The following MED25 variants were observed in gnomAD, a reference collection of about 807,000 sequenced individuals.
MED25 encodes the protein mediator complex subunit 25, also known as mediator of RNA polymerase II transcription subunit 25.
A neutral mutation model predicts 89.4 loss-of-function variants in MED25; 62 were observed. That is an observed-to-expected ratio of 0.69 (90% confidence interval 0.57 to 0.86). The LOEUF (loss-of-function observed/expected upper bound fraction) is 0.86, where lower values mean the gene tolerates loss of function less well. Among genes scored for constraint, MED25 ranks in the 40% least tolerant of loss-of-function variants. The pLI is 0.00. For missense variants in MED25, 905 were observed against 1,005.2 expected (o/e 0.90, Z 1.35); for synonymous variants, 449 against 427.9 (o/e 1.05, Z -0.61).
At position 49,835,076 on chromosome 19, in the gene MED25, C is replaced by A; in HGVS notation, c.1573C>A (p.Leu525Ile). ...GTCCAAGAAGAAGATCTTCATGGGC[C>A]TCATCCCCTACGACCAGAGCGGCTT... is the stretch of plus-strand genomic sequence containing the variant. ...YSSKKKIFMG[L>I]IPYDQSGFVN... The change falls in exon 14 of 18, where the codon CTC (leucine) becomes ATC (isoleucine). Residue 525 changes from leucine (L) to isoleucine (I), a missense_variant. Coordinates refer to ENST00000312865, the MANE Select transcript of MED25 (RefSeq NM_030973.4). The surrounding 1 kb of genome is among the most constrained non-coding windows in gnomAD (Gnocchi z 6.2). 1 of 1,614,108 alleles carries A rather than the reference C, an allele frequency of 6.2e-7. No individual in the cohort carries two copies.
Position 49,819,247 on chromosome 19 carries a change from G to A in MED25, c.256G>A (p.Ala86Thr), listed in dbSNP as rs2073964337. The stretch of plus-strand genomic sequence containing the variant: ...TCCCGAGTCCTACGTACAATGTCAC[G>A]CTCCCACCAGCAGCGCCTATGAGTT... ...CAPESYVQCH[A>T]PTSSAYEFVT... Residue 86 changes from alanine (A) to threonine (T), a missense_variant, in exon 3 of 18, where the codon GCT (alanine) becomes ACT (threonine). This residue lies in a region of MED25 where 501 missense variants were observed against 526.9 expected (regional missense o/e 0.95). Coordinates refer to ENST00000312865, the MANE Select transcript of MED25 (RefSeq NM_030973.4). 1.2e-6 allele frequency: 2 copies of A among 1,614,170 alleles called. No individual in the cohort carries two copies. The highest frequency in any genetic ancestry group is 1.1e-5 in the South Asian group (1 of 91,090).
chr19:49,819,512 G>A (rs983237877), intron 3 of MED25: 2 of 575,328 alleles, frequency 3.5e-6, no homozygotes, highest in African/African-American at 3.7e-5. Context: ...GGTTTGAGCT[G>A]CAGGAAACAT....
At position 49,835,943 on chromosome 19, in the gene MED25, C is replaced by G. The variant is rs2074094642; in HGVS notation, c.1963C>G (p.Pro655Ala). The G allele has an allele frequency of 6.2e-7, 1 of 1,612,894 alleles. No homozygotes were observed. Among genetic ancestry groups the G allele is most frequent in the Non-Finnish European group, 8.5e-7 (1 of 1,179,968 alleles). Residue 655 changes from proline (P) to alanine (A), a missense_variant and splice_region_variant, in exon 16 of 18, where the codon CCG becomes GCG. Physicochemically the swap from Pro to Ala is conservative, Grantham distance 27. Around this residue, in one of 3 missense-constraint regions of MED25, gnomAD observed 271 missense variants for 258.1 expected, o/e 1.05. Transcript: ENST00000312865. This position sits in a 1 kb window ranked among gnomAD's most constrained non-coding sequence, Gnocchi z 6.2. ...QLRSLLLNPP[P>A]PQTGVPPPQA... ...GCGAAGCCTCCTCCTCAACCCACCA[C>G]CGGTGAGATGTTGGGGTGGGGTAGC...
In MED25 at chr19:49,836,081, C is replaced by T. The variant is rs1466630974; in HGVS notation, c.1965+136C>T. 2.6e-6 allele frequency: 4 copies of T among 1,523,814 alleles called. No homozygotes were observed. Among genetic ancestry groups the T allele is most frequent in the Admixed American group, 1.9e-5 (1 of 51,322 alleles). 94.4% of individuals were successfully genotyped at this position (1,523,814 alleles called of 1,614,324 possible). A position where few individuals can be genotyped will look rare whatever the true frequency, so the allele number is the denominator to read the frequency against. ...CCCGCCCAGGGCTTTAGGCAGAAGGCAGACCGCCTCCTCTCCGTCCATCCC... is the reference window on the plus strand; with the variant it reads ...CCCGCCCAGGGCTTTAGGCAGAAGGTAGACCGCCTCCTCTCCGTCCATCCC... On this transcript the variant is annotated intron_variant, in intron 16 of 17. Transcript: ENST00000312865. This position sits in a 1 kb window ranked among gnomAD's most constrained non-coding sequence, Gnocchi z 5.1.
rs772775901 is a variant in MED25, at chr19:49,836,245, C to A, written c.1985C>A (p.Pro662Gln). 3 of 1,612,304 alleles carry A rather than the reference C, an allele frequency of 1.9e-6. No homozygotes were observed. The highest frequency in any genetic ancestry group is 2.5e-6 in the Non-Finnish European group (3 of 1,179,858). The change falls in exon 17 of 18, where the codon CCA (proline) becomes CAA (glutamine). Residue 662 changes from proline (P) to glutamine (Q), a missense_variant. Physicochemically the swap from Pro to Gln is moderately conservative, Grantham distance 76. Coordinates refer to ENST00000312865, the MANE Select transcript of MED25 (RefSeq NM_030973.4). The surrounding 1 kb of genome is among the most constrained non-coding windows in gnomAD (Gnocchi z 5.1). ...NPPPPQTGVP[P>Q]PQASLHHLQP... ...TCCCAGCCGCAGACTGGGGTGCCCC[C>A]ACCCCAGGCCTCCCTCCACCACCTC...
chr19:49,818,746 C>G (rs1287205958), intron 2 of MED25, 130 bp downstream of exon 2: 4 of 927,968 alleles, frequency 4.3e-6, no homozygotes, highest in Non-Finnish European at 6.8e-6. Context: ...GTCTGGACTC[C>G]TTGTTCTGAG....
At position 49,830,257 on chromosome 19, in the gene MED25, T is replaced by C. The variant is rs761661319; in HGVS notation, c.819+39T>C. The C allele has an allele frequency of 6.3e-7, 1 of 1,598,432 alleles. No individual in the cohort carries two copies. Among genetic ancestry groups the C allele is most frequent in the Non-Finnish European group, 8.5e-7 (1 of 1,171,236 alleles). On this transcript the variant is annotated intron_variant, in intron 7 of 17. Coordinates refer to ENST00000312865, the MANE Select transcript of MED25 (RefSeq NM_030973.4). This position sits in a 1 kb window ranked among gnomAD's most constrained non-coding sequence, Gnocchi z 4.6. The stretch of plus-strand genomic sequence containing the variant: ...CGGGAAGGGACATGCTTCTGGGGAC[T>C]TGCTGGAGCCCTGGCCCCTGGGGAG...
At position 49,819,228 on chromosome 19, in the gene MED25, G is replaced by C; in HGVS notation, c.237G>C (p.Glu79Asp). The part of the protein sequence containing the change: ...VVFNTVDCAP[E>D]SYVQCHAPTS... ...TCAACACAGTGGACTGCGCTCCCGA[G>C]TCCTACGTACAATGTCACGCTCCCA... The change falls in exon 3 of 18, where the codon GAG becomes GAC. Residue 79 changes from glutamate (E) to aspartate (D), a missense_variant. Coordinates refer to ENST00000312865, the MANE Select transcript of MED25 (RefSeq NM_030973.4). 1 of 1,614,236 alleles carries C rather than the reference G, an allele frequency of 6.2e-7. No individual in the cohort carries two copies. The highest frequency in any genetic ancestry group is 8.5e-7 in the Non-Finnish European group (1 of 1,180,034).
chr19:49,830,200 C>T lies in MED25; in HGVS notation c.801C>T (p.Pro267=), dbSNP rs779737748. The change falls in exon 7 of 18, where the codon CCC becomes CCT. Residue 267 remains proline (P), a synonymous_variant. Coordinates refer to ENST00000312865, the MANE Select transcript of MED25 (RefSeq NM_030973.4). This position sits in a 1 kb window ranked among gnomAD's most constrained non-coding sequence, Gnocchi z 4.6. The stretch of plus-strand genomic sequence containing the variant: ...CAGCCCCCCAGCAGCCTCTGCCCCC[C>T]GTCCCCCCGCAGTACCAGGTATGGA... ...LSAAPQQPLP[P]VPPQYQVPGN... The T allele has an allele frequency of 9.3e-6, 15 of 1,606,728 alleles. No individual in the cohort carries two copies. Among genetic ancestry groups the T allele is most frequent in the African/African-American group, 4.0e-5 (3 of 74,888 alleles).
intron 12 of MED25, 60 bp downstream of exon 12, chr19:49,832,217 C>T: frequency 6.3e-7 from 1 of 1,581,856 alleles, no homozygotes; most frequent in East Asian, 2.3e-5. Flanking sequence ...CTGTCTCTTT[C>T]CTGTTCCCTG....
downstream of MED25, chr19:49,838,929 C>T: frequency 2.7e-6 from 1 of 371,906 alleles, no homozygotes; most frequent in Non-Finnish European, 5.3e-6. Context: ...CAGCAGATGG[C>T]AAGTTTATAA....
intron 2 of MED25, 27 bp from the exon 3 acceptor site, chr19:49,819,145 T>G: frequency 1.2e-6 from 2 of 1,613,898 alleles, no homozygotes; most frequent in Non-Finnish European, 1.7e-6. Flanking sequence ...GGTCCCAGAT[T>G]AAAAGTTTTC....
chr19:49,838,378 T>TC (rs2074114122), downstream of MED25: 1 of 357,682 alleles, frequency 2.8e-6, no homozygotes, highest in Admixed American at 3.8e-5. Flanking sequence ...GGCCCGCCCT[T>TC]CTGCCTGGCA....
rs766289585 is a variant in MED25 at position 49,835,561 on chromosome 19, C to G, written c.1702C>G (p.Leu568Val). The change falls in exon 15 of 18, where the codon CTG becomes GTG. Residue 568 changes from leucine (L) to valine (V), a missense_variant. By Grantham distance (32) the Leu-to-Val change is conservative. Transcript: ENST00000312865. The surrounding 1 kb of genome is among the most constrained non-coding windows in gnomAD (Gnocchi z 6.2). ...GMGGQQAPPG[L>V]GPILEDQARP... ...GGGGGGACAGCAGGCACCCCCAGGG[C>G]TGGGGCCCATTCTGGAGGACCAAGC... is the stretch of plus-strand genomic sequence containing the variant. The G allele has an allele frequency of 1.9e-6, 3 of 1,567,352 alleles. No homozygotes were observed. Among genetic ancestry groups the G allele is most frequent in the South Asian group, 1.2e-5 (1 of 85,302 alleles).
In MED25 at chr19:49,830,311, G is replaced by A; in HGVS notation, c.819+93G>A. On this transcript the variant is annotated intron_variant, in intron 7 of 17. Coordinates refer to ENST00000312865, the MANE Select transcript of MED25 (RefSeq NM_030973.4). This position sits in a 1 kb window ranked among gnomAD's most constrained non-coding sequence, Gnocchi z 4.6. Reference sequence around the variant, plus strand: ...TCTAGTTGCATGTTGGAGCTTGTGGGATGATGGGAGTCCCATGGGACATTG... The same window carrying A: ...TCTAGTTGCATGTTGGAGCTTGTGGAATGATGGGAGTCCCATGGGACATTG... The A allele has an allele frequency of 7.4e-7, 1 of 1,344,592 alleles. No homozygotes were observed. The highest frequency in any genetic ancestry group is 1.0e-6 in the Non-Finnish European group (1 of 961,434). The allele number at this position is 1,344,592 out of a possible 1,614,324, so 83.3% of individuals were successfully genotyped here.
chr19:49,830,503 ACCCACAGGTT>A lies in MED25; in HGVS notation c.820-4_825del. ...CCAGTCCCTTCCCTTCTTCCCTTCT[ACCCACAGGTT>A]CCCGGGAACCTGAGTGCAGCTCAGG... On this transcript the variant is annotated splice_acceptor_variant and splice_polypyrimidine_tract_variant and coding_sequence_variant and intron_variant, in exon 8 of 18. Coordinates refer to ENST00000312865, the MANE Select transcript of MED25 (RefSeq NM_030973.4). LOFTEE classifies it high-confidence loss of function. The surrounding 1 kb of genome is among the most constrained non-coding windows in gnomAD (Gnocchi z 4.6). 1.9e-6 allele frequency: 3 copies of A among 1,613,126 alleles called. No individual in the cohort carries two copies. The highest frequency in any genetic ancestry group is 2.5e-6 in the Non-Finnish European group (3 of 1,179,426).
In MED25 at chr19:49,834,745, G is replaced by A. The variant is rs1264073082; in HGVS notation, c.1483-241G>A. 2 of 572,672 alleles carry A rather than the reference G, an allele frequency of 3.5e-6. No individual in the cohort carries two copies. The highest frequency in any genetic ancestry group is 3.8e-5 in the African/African-American group (2 of 53,308). The allele number at this position is 572,672 out of a possible 1,614,324, so 35.5% of individuals were successfully genotyped here. A position where few individuals can be genotyped will look rare whatever the true frequency, so the allele number is the denominator to read the frequency against. ...GGTGGTGGCTGAAGGTTGAAGAGCT[G>A]GGCTCCAGCACTTTCTCTCCGCTTT... On this transcript the variant is annotated intron_variant, in intron 13 of 17. Transcript: ENST00000312865. This position sits in a 1 kb window ranked among gnomAD's most constrained non-coding sequence, Gnocchi z 4.1.
chr19:49,835,831 C>T lies in MED25; in HGVS notation c.1851C>T (p.Ala617=). ...GTACTGCCCAGCCCCCGCCAGGTGC[C>T]CCTCAAGGCCCTCCTGGAGCAGCTT... ...PQGTAQPPPG[A]PQGPPGAASG... is the part of the protein sequence containing the mutation. Residue 617 remains alanine (A), a synonymous_variant, in exon 16 of 18, where the codon GCC becomes GCT. Transcript: ENST00000312865. This position sits in a 1 kb window ranked among gnomAD's most constrained non-coding sequence, Gnocchi z 6.2. 1 of 1,610,850 alleles carries T rather than the reference C, an allele frequency of 6.2e-7. No individual in the cohort carries two copies. Among genetic ancestry groups the T allele is most frequent in the Non-Finnish European group, 8.5e-7 (1 of 1,178,404 alleles).
rs777175178 is a variant in MED25 at position 49,830,436 on chromosome 19, G to A, written c.820-75G>A. On this transcript the variant is annotated intron_variant, in intron 7 of 17. Transcript: ENST00000312865. This position sits in a 1 kb window ranked among gnomAD's most constrained non-coding sequence, Gnocchi z 4.6. ...GGTGCCTCATGGGGCCATGGGTGGT[G>A]TGACCTCGTGGGATACCAGGACTGG... is the stretch of plus-strand genomic sequence containing the variant. 8 of 1,479,246 alleles carry A rather than the reference G, an allele frequency of 5.4e-6. No homozygotes were observed. The highest frequency in any genetic ancestry group is 1.4e-5 in the African/African-American group (1 of 72,350). The allele number at this position is 1,479,246 out of a possible 1,614,324, so 91.6% of individuals were successfully genotyped here.
Sources: gnomAD v4.1 joint callset for allele counts on GRCh38, gnomAD v4.1.1 for gene constraint, gnomAD v4.1.1 regional missense constraint, Gnocchi (gnomAD v3.1) non-coding constraint, MANE v1.5 for transcripts, NCBI Gene and HGNC (gene_info 2026-07-23, HGNC 2026-07-21) for gene names.